Variants in TTC6 observed in about 807,000 individuals in gnomAD.
TTC6 encodes the protein tetratricopeptide repeat protein 6.
Under a neutral mutation model 210.4 loss-of-function variants are expected in TTC6, and 172 were observed. The ratio of observed to expected loss-of-function variants is 0.82; its 90% CI spans 0.72 to 0.93. The LOEUF is 0.93. Among genes scored for constraint, TTC6 ranks in the 40% least tolerant of loss-of-function variants. TTC6 has a pLI of 0.00. For missense variants in TTC6, 2,414 were observed against 2,318.1 expected, an observed-to-expected ratio of 1.04 and a Z score of -0.85; for synonymous variants, 804 against 819.6, an observed-to-expected ratio of 0.98 and a Z score of 0.32.
At chr14:37,785,053 G>A (rs545429712) in intron 14 of TTC6, among the ~76,000 whole-genome samples, 1 of 152,212 alleles carries the variant, frequency 6.6e-6, no homozygotes, top group East Asian at 1.9e-4. Context: ...CTGCACTTAA[G>A]ATTTTTTCCT....
chr14:37,717,058 A>G (rs1306625598), intron 6 of TTC6, among the ~76,000 whole-genome samples: 1 of 152,110 alleles, frequency 6.6e-6, no homozygotes, highest in Non-Finnish European at 1.5e-5. Flanking sequence ...TGAAAATACA[A>G]CATATCAAAA....
At chr14:37,645,784 G>A (rs917520505) in intron 1 of TTC6, among the ~76,000 whole-genome samples, 2 of 152,142 alleles carry the variant, frequency 1.3e-5, no homozygotes, top group African/African-American at 2.4e-5. Flanking sequence ...CACAGAGGTA[G>A]CCAAGAGCCA....
At chr14:37,804,287 A>G (rs956443037) in intron 20 of TTC6, among the ~76,000 whole-genome samples, 2 of 152,042 alleles carry the variant, frequency 1.3e-5, no homozygotes, top group African/African-American at 4.8e-5. Flanking sequence ...GAGATCTTTT[A>G]CTACCTAGTA....
At chr14:37,623,529 G>T (rs1296698667) in intron 1 of TTC6, among the ~76,000 whole-genome samples, 1 of 152,196 alleles carries the variant, frequency 6.6e-6, no homozygotes, top group African/African-American at 2.4e-5. Context: ...CAATCATAGA[G>T]ATTTGTAAGT....
At chr14:37,658,776 A>AT (rs1326185138) in intron 1 of TTC6, among the ~76,000 whole-genome samples, 5 of 152,154 alleles carry the variant, frequency 3.3e-5, no homozygotes, top group Non-Finnish European at 5.9e-5. Flanking sequence ...GCCTTTAAAA[A>AT]TTTTTTTATT....
chr14:37,835,110 A>G (rs1431872238), intron 29 of TTC6, among the ~76,000 whole-genome samples: 1 of 152,166 alleles, frequency 6.6e-6, no homozygotes, highest in Non-Finnish European at 1.5e-5. Context: ...CTGGGCGGCC[A>G]GTCTTTGCAC....
At chr14:37,683,711 A>T (rs1159103292) in intron 3 of TTC6, among the ~76,000 whole-genome samples, 2 of 151,946 alleles carry the variant, frequency 1.3e-5, no homozygotes, top group Admixed American at 1.3e-4. Flanking sequence ...GAAAGAGCAT[A>T]ATGTATATAA....
At chr14:37,794,873 G>T (rs1048258099) in intron 17 of TTC6, among the ~76,000 whole-genome samples, 7 of 152,128 alleles carry the variant, frequency 4.6e-5, no homozygotes, top group African/African-American at 1.7e-4. Context: ...AGAGGCCTGA[G>T]ACCAGCCTGC....
exon 29 of TTC6, chr14:37,827,363 C>G: frequency 6.2e-7 from 1 of 1,611,804 alleles, no homozygotes; most frequent in Non-Finnish European, 8.5e-7. Flanking sequence ...GGCAGTTTTC[C>G]CAGGTAATGT....
At chr14:37,817,205 A>G (rs1341420770) in intron 25 of TTC6, among the ~76,000 whole-genome samples, 1 of 152,180 alleles carries the variant, frequency 6.6e-6, no homozygotes, top group Non-Finnish European at 1.5e-5. Flanking sequence ...CTGTCTAGAT[A>G]GAGAAGTCTC....
chr14:37,654,997 A>C (rs1354794291), intron 1 of TTC6, among the ~76,000 whole-genome samples: 2 of 152,226 alleles, frequency 1.3e-5, no homozygotes, highest in Non-Finnish European at 2.9e-5. Flanking sequence ...TACTAAGTGC[A>C]TGATTTTAGT....
chr14:37,684,399 A>T (rs540946853), intron 3 of TTC6, among the ~76,000 whole-genome samples: 1 of 152,292 alleles, frequency 6.6e-6, no homozygotes, highest in African/African-American at 2.4e-5. Flanking sequence ...GCTTCCAGGG[A>T]CAAGGGTCTT....
rs144276953 is a variant in TTC6, at chr14:37,814,108, TC to T, written c.4689+1678del. ...CTTTGCTCAAAACCCTCTGATGGCT[TC>T]CCATCACACTTAGAATAAAATCTGA... On this transcript the variant is annotated intron_variant, in intron 25 of 30. Coordinates refer to ENST00000553443, the Ensembl canonical transcript of TTC6. Among the ~76,000 whole-genome samples, 686 of 152,318 alleles carry T rather than the reference TC, an allele frequency of 4.5e-3. 6 individuals are homozygous for T. Among genetic ancestry groups the T allele is most frequent in the African/African-American group, 0.016 (652 of 41,570 alleles).
Position 37,790,809 on chromosome 14 carries a change from GACTTTGAA to G in TTC6, c.3533_3540del (p.Phe1178CysfsTer25). On this transcript the variant is annotated frameshift_variant, in exon 16 of 31. Transcript: ENST00000553443. LOFTEE classifies it high-confidence loss of function. Reference sequence around the variant, plus strand: ...AAAACTTTGGCTGCTGGCAATTTGTGACTTTGAAACTGTCATTTCTCTAGAAAGGTATG... The same window carrying G: ...AAAACTTTGGCTGCTGGCAATTTGTGACTGTCATTTCTCTAGAAAGGTATG... The G allele has an allele frequency of 1.3e-6, 2 of 1,534,066 alleles. No individual in the cohort carries two copies. Among genetic ancestry groups the G allele is most frequent in the Non-Finnish European group, 1.7e-6 (2 of 1,146,046 alleles).
rs940548146 is a variant in TTC6, at chr14:37,806,309, A to G, written c.4165-52A>G. On this transcript the variant is annotated intron_variant, in intron 21 of 30. Coordinates refer to ENST00000553443, the Ensembl canonical transcript of TTC6. ...TACTGTAATTCGTTAACATTTTAAA[A>G]CAATATATTATATCACTAAATGGTT... 7 of 1,454,308 alleles carry G rather than the reference A, an allele frequency of 4.8e-6. No homozygotes were observed. The South Asian group carries it at 9.6e-5, about 20-fold the overall frequency. The allele number at this position is 1,454,308 out of a possible 1,614,324, so 90.1% of individuals were successfully genotyped here. A position where few individuals can be genotyped will look rare whatever the true frequency, so the allele number is the denominator to read the frequency against.
At chr14:37,751,493 G>T (rs936919421) in intron 13 of TTC6, among the ~76,000 whole-genome samples, 1 of 152,122 alleles carries the variant, frequency 6.6e-6, no homozygotes, top group African/African-American at 2.4e-5. Flanking sequence ...AGCTTTTCCA[G>T]CTGCCTCCTC....
At chr14:37,808,504 T>C (rs888831159) in intron 23 of TTC6, among the ~76,000 whole-genome samples, 1 of 152,230 alleles carries the variant, frequency 6.6e-6, no homozygotes, top group African/African-American at 2.4e-5. Context: ...GTTGTTGATA[T>C]ATTTAATTTT....
exon 2 of TTC6, chr14:37,606,683 C>G: frequency 1.0e-6 from 1 of 979,994 alleles, no homozygotes; most frequent in Non-Finnish European, 1.2e-6. Flanking sequence ...TCCTGTATGC[C>G]ATCTGTTTTC....
At chr14:37,779,026 C>T (rs1204070663) in intron 14 of TTC6, among the ~76,000 whole-genome samples, 2 of 152,184 alleles carry the variant, frequency 1.3e-5, no homozygotes, top group African/African-American at 4.8e-5. Context: ...TTTGCCCCAC[C>T]ACCTTTCTAA....
Sources: allele counts gnomAD v4.1 joint callset (sites outside exome capture counted in the v4.1 genomes callset), GRCh38; gene constraint gnomAD v4.1.1; transcripts MANE v1.5; gene names NCBI Gene and HGNC (gene_info 2026-07-23, HGNC 2026-07-21).